The following LIPA variants were observed in gnomAD, a reference collection of about 807,000 sequenced individuals.
The protein encoded by LIPA is lipase A, lysosomal acid type.
In LIPA, 26 loss-of-function variants were observed where a neutral mutation model predicts 40.6. The observed-to-expected ratio is 0.64, with a 90% CI of 0.47 to 0.89. The LOEUF (loss-of-function observed/expected upper bound fraction) is 0.89. Among genes scored for constraint, LIPA ranks in the 40% least tolerant of loss-of-function variants. The pLI, the probability that LIPA is intolerant of heterozygous loss-of-function variation, is 0.00. For missense variants in LIPA, 455 were observed against 479.6 expected (o/e 0.95, Z 0.48); for synonymous variants, 188 against 168.4 (o/e 1.12, Z -0.90).
rs1843443410 is a variant in LIPA at position 89,301,196 on chromosome 10, AT to A, written c.-2+41414del. ...TTTCATAGCATAAAGGTGGAAGCTG[AT>A]TTCAAATCCAGATAGACAGACATCA... On this transcript the variant is annotated intron_variant, in intron 1 of 5. Transcript: ENST00000282673. Among the ~76,000 whole-genome samples the A allele has an allele frequency of 3.9e-5, 6 of 152,232 alleles. No homozygotes were observed. In the South Asian group the frequency reaches 1.2e-3, roughly 31 times the overall value.
intron 2 of LIPA, among the ~76,000 whole-genome samples, chr10:89,368,649 T>C (rs1458791119): frequency 2.0e-5 from 3 of 152,146 alleles, no homozygotes; most frequent in African/African-American, 4.8e-5. Flanking sequence ...ATGTAAGATA[T>C]AAACATGGTG....
intron 1 of LIPA, chr10:89,308,214 T>C (rs1266251126): frequency 6.6e-6 from 1 of 152,160 alleles, no homozygotes; most frequent in Non-Finnish European, 1.5e-5. Flanking sequence ...CCAGTAGGGA[T>C]AGGGGAAAAG....
intron 2 of LIPA, among the ~76,000 whole-genome samples, chr10:89,375,384 T>C (rs958612377): frequency 6.6e-6 from 1 of 152,160 alleles, no homozygotes; most frequent in Non-Finnish European, 1.5e-5. Context: ...ATAGTTCTCA[T>C]TATGCCCAAG....
chr10:89,345,531 A>AAAATAAAT (rs3063811), upstream of LIPA, among the ~76,000 whole-genome samples: 4 of 148,600 alleles, frequency 2.7e-5, no homozygotes, highest in Non-Finnish European at 4.5e-5. Context: ...TCCATCTCAA[A>AAAATAAAT]AAATAAATAA....
chr10:89,242,766 C>A (rs1268222701), intron 3 of LIPA, among the ~76,000 whole-genome samples: 2 of 152,176 alleles, frequency 1.3e-5, no homozygotes, highest in Admixed American at 1.3e-4. Flanking sequence ...GCATTAATTT[C>A]TTAAACTATA....
chr10:89,227,083 G>T, intron 4 of LIPA, 79 bp from the exon 5 acceptor site: 1 of 913,512 alleles, frequency 1.1e-6, no homozygotes. Flanking sequence ...GCAGTTTGAT[G>T]AGTTATCACA....
chr10:89,350,018 C>A (rs954327040), intron 2 of LIPA, among the ~76,000 whole-genome samples: 9 of 152,138 alleles, frequency 5.9e-5, no homozygotes, highest in African/African-American at 2.2e-4. Flanking sequence ...TAGTAACTAG[C>A]CCTCATCTAC....
At chr10:89,254,369 A>G (rs901469546), upstream of LIPA, among the ~76,000 whole-genome samples, 3 of 152,212 alleles carry the variant, frequency 2.0e-5, no homozygotes, top group African/African-American at 7.2e-5. Flanking sequence ...TAGGGACTGT[A>G]CCCTGTGAAG....
At chr10:89,373,342 A>G (rs1200454729) in intron 2 of LIPA, among the ~76,000 whole-genome samples, 2 of 142,984 alleles carry the variant, frequency 1.4e-5, no homozygotes, top group Non-Finnish European at 3.0e-5. Context: ...CTCAAAAAAA[A>G]AAAAAAAAAA....
At chr10:89,354,225 C>G (rs1220028236) in intron 2 of LIPA, among the ~76,000 whole-genome samples, 1 of 152,148 alleles carries the variant, frequency 6.6e-6, no homozygotes, top group Non-Finnish European at 1.5e-5. Context: ...AGAATGCAAC[C>G]TTTTGTCTCT....
chr10:89,336,453 T>C (rs1437456415), intron 1 of LIPA, among the ~76,000 whole-genome samples: 1 of 152,128 alleles, frequency 6.6e-6, no homozygotes, highest in African/African-American at 2.4e-5. Flanking sequence ...TGTGCAATCA[T>C]ATTGGGCCAA....
intron 2 of LIPA, among the ~76,000 whole-genome samples, chr10:89,410,733 C>T (rs187788088): frequency 2.6e-4 from 40 of 152,336 alleles, no homozygotes; most frequent in Admixed American, 2.6e-4. Flanking sequence ...TGGGGGAACC[C>T]CCATTAAATA....
chr10:89,373,394 A>G (rs1291087780), intron 2 of LIPA, among the ~76,000 whole-genome samples: 1 of 151,816 alleles, frequency 6.6e-6, no homozygotes, highest in East Asian at 1.9e-4. Flanking sequence ...AAAGTAAATC[A>G]GAGTAGCCCA....
intron 2 of LIPA, among the ~76,000 whole-genome samples, chr10:89,376,363 T>G (rs1458351368): frequency 6.6e-6 from 1 of 152,182 alleles, no homozygotes; most frequent in African/African-American, 2.4e-5. Flanking sequence ...TATACTATAC[T>G]CTTTCTTAAG....
At chr10:89,396,522 T>TC (rs1413998584) in intron 2 of LIPA, among the ~76,000 whole-genome samples, 3 of 151,890 alleles carry the variant, frequency 2.0e-5, no homozygotes, top group Non-Finnish European at 4.4e-5. Context: ...ATTAATCCAT[T>TC]CCCCCAAGAA....
At chr10:89,300,134 G>A (rs535389350) in intron 1 of LIPA, among the ~76,000 whole-genome samples, 95 of 152,310 alleles carry the variant, frequency 6.2e-4, no homozygotes, top group African/African-American at 2.0e-3. Context: ...AGTTGGAACT[G>A]GAGACCATTA....
At chr10:89,263,519 A>G (rs1843220755) in intron 1 of LIPA, among the ~76,000 whole-genome samples, 1 of 152,198 alleles carries the variant, frequency 6.6e-6, no homozygotes, top group Non-Finnish European at 1.5e-5. Flanking sequence ...CTCTAACCCT[A>G]CCAAACATAT....
upstream of LIPA, among the ~76,000 whole-genome samples, chr10:89,252,802 TCC>T (rs113063011): frequency 0.53 from 68,407 of 129,606 alleles, 18,010 homozygotes; most frequent in African/African-American, 0.65. Context: ...TGAGACTCCA[TCC>T]CCCAAAAAAA....
intron 8 of LIPA, among the ~76,000 whole-genome samples, chr10:89,218,544 C>T (rs935591655): frequency 3.3e-5 from 5 of 152,234 alleles, no homozygotes; most frequent in African/African-American, 1.2e-4. Flanking sequence ...ACCACATCCT[C>T]ATCCTCCTGC....
Sources: allele counts gnomAD v4.1 joint callset (sites outside exome capture counted in the v4.1 genomes callset), GRCh38; gene constraint gnomAD v4.1.1; transcripts MANE v1.5; gene names NCBI Gene and HGNC (gene_info 2026-07-23, HGNC 2026-07-21).